Variants in KANK1 observed in about 807,000 individuals in gnomAD.
KANK1 encodes KN motif and ankyrin repeat domain-containing protein 1.
A neutral mutation model predicts 106.2 loss-of-function variants in KANK1; 109 were observed. The observed-to-expected ratio is 1.03, with a 90% confidence interval of 0.88 to 1.20. The LOEUF is 1.20. Among genes scored for constraint, KANK1 ranks in the 50% most tolerant of loss-of-function variants. KANK1 has a pLI of 0.00. For missense variants in KANK1, 2,399 were observed against 1,710.7 expected, an observed-to-expected ratio of 1.40 and a Z score of -7.10; for synonymous variants, 873 against 652.2, an observed-to-expected ratio of 1.34 and a Z score of -5.16.
At position 740,940 on chromosome 9, in the gene KANK1, T is replaced by C. The variant is rs754887996; in HGVS notation, c.3696+6T>C. 6.2e-7 allele frequency: 1 copy of C among 1,614,050 alleles called. No individual in the cohort carries two copies. Among genetic ancestry groups the C allele is most frequent in the Non-Finnish European group, 8.5e-7 (1 of 1,179,966 alleles). ...TGAATGCCAAAGCTAGTCAGGTTAG[T>C]GCGCCTGGTTCCTGTGCTCAGGAAT... On this transcript the variant is annotated splice_donor_region_variant and intron_variant, in intron 9 of 11. Transcript: ENST00000382297.
chr9:651,959 G>T (rs1840973275), intron 1 of KANK1, among the ~76,000 whole-genome samples: 2 of 152,152 alleles, frequency 1.3e-5, no homozygotes, highest in Non-Finnish European at 1.5e-5. Flanking sequence ...TTGTTTTGAG[G>T]ATGTGTTTAC....
chr9:480,851 G>A (rs1296832808), intron 3 of KANK1, among the ~76,000 whole-genome samples: 3 of 152,168 alleles, frequency 2.0e-5, no homozygotes, highest in African/African-American at 7.2e-5. Flanking sequence ...AAAATGGTAA[G>A]GCATTAGAAA....
intron 1 of KANK1, among the ~76,000 whole-genome samples, chr9:600,861 A>T (rs1363820815): frequency 6.6e-6 from 1 of 151,874 alleles, no homozygotes; most frequent in Admixed American, 6.6e-5. Context: ...TTCTAAAGTT[A>T]AAGCTTTTTG....
chr9:562,042 C>CTTT (rs34419752), intron 1 of KANK1, among the ~76,000 whole-genome samples: 3,036 of 104,850 alleles, frequency 0.029, 153 homozygotes, highest in Admixed American at 0.052. Context: ...ATTGCATTTT[C>CTTT]TTTTTTTTTT....
chr9:472,842 G>C (rs573846691), intron 2 of KANK1, among the ~76,000 whole-genome samples: 2 of 152,330 alleles, frequency 1.3e-5, no homozygotes, highest in South Asian at 4.1e-4. Context: ...TGATACATGA[G>C]TGATGCTATC....
At chr9:648,162 C>G (rs978371351) in intron 1 of KANK1, among the ~76,000 whole-genome samples, 1 of 147,228 alleles carries the variant, frequency 6.8e-6, no homozygotes, top group Non-Finnish European at 1.5e-5. Context: ...CACCACCACG[C>G]CTGGGTAATT....
intron 1 of KANK1, among the ~76,000 whole-genome samples, chr9:518,068 G>A (rs766460802): frequency 2.0e-5 from 3 of 151,562 alleles, no homozygotes; most frequent in Non-Finnish European, 4.4e-5. Context: ...ATCCCCAAAT[G>A]ATCTGATAAA....
chr9:513,743 C>G (rs2059133691), intron 1 of KANK1, among the ~76,000 whole-genome samples: 1 of 152,118 alleles, frequency 6.6e-6, no homozygotes, highest in African/African-American at 2.4e-5. Context: ...AAAAATAGAA[C>G]AAAAGCAATT....
rs1488158188 is a variant in KANK1, at chr9:511,723, G to A, written c.-84+6969G>A. 3.3e-5 allele frequency among the ~76,000 whole-genome samples: 5 copies of A among 152,210 alleles called. 1 individual carries two copies. The highest frequency in any genetic ancestry group is 1.2e-4 in the African/African-American group (5 of 41,526). ...GTGTAAATAATATAAACAACAAAGGGTTTAAAATAAAAACAAAACTCATCA... is the reference window on the plus strand; with the variant it reads ...GTGTAAATAATATAAACAACAAAGGATTTAAAATAAAAACAAAACTCATCA... On this transcript the variant is annotated intron_variant, in intron 1 of 11. Coordinates refer to ENST00000382297, the MANE Select transcript of KANK1 (RefSeq NM_015158.5).
intron 1 of KANK1, among the ~76,000 whole-genome samples, chr9:662,793 C>G (rs1217956231): frequency 2.0e-5 from 3 of 151,932 alleles, no homozygotes; most frequent in African/African-American, 7.3e-5. Flanking sequence ...TCCCGAGTAG[C>G]TGGGATTACA....
chr9:589,524 G>C (rs1005033781), intron 1 of KANK1, among the ~76,000 whole-genome samples: 2 of 151,998 alleles, frequency 1.3e-5, no homozygotes, highest in African/African-American at 4.8e-5. Flanking sequence ...GGAGAGAGGT[G>C]GGGAAGGAGT....
chr9:473,583 T>C (rs192471381), intron 3 of KANK1, among the ~76,000 whole-genome samples: 1 of 152,376 alleles, frequency 6.6e-6, no homozygotes, highest in Admixed American at 6.5e-5. Flanking sequence ...AAATTTGCTA[T>C]GGTTAGCTAT....
At position 710,930 on chromosome 9, in the gene KANK1, G is replaced by A. The variant is rs1282455440; in HGVS notation, c.164G>A (p.Gly55Glu). The A allele has an allele frequency of 7.4e-6, 12 of 1,613,990 alleles. No individual in the cohort carries two copies. The highest frequency in any genetic ancestry group is 9.3e-6 in the Non-Finnish European group (11 of 1,180,042). The change falls in exon 3 of 12, where the codon GGA becomes GAA. Residue 55 changes from glycine to glutamate, a missense_variant. Transcript: ENST00000382297. ...FLKYVDDIQK[G>E]NTIKRLNIQK... ...AAATATGTGGATGACATACAGAAGGGAAATACCATCAAAAGACTGAACATC... is the reference window on the plus strand; with the variant it reads ...AAATATGTGGATGACATACAGAAGGAAAATACCATCAAAAGACTGAACATC...
chr9:687,388 A>C (rs1818821440), intron 2 of KANK1, among the ~76,000 whole-genome samples: 1 of 152,040 alleles, frequency 6.6e-6, no homozygotes, highest in Non-Finnish European at 1.5e-5. Flanking sequence ...TTAATCTCTA[A>C]CTATTATTCC....
chr9:627,377 T>A (rs1834604350), intron 1 of KANK1, among the ~76,000 whole-genome samples: 1 of 141,510 alleles, frequency 7.1e-6, no homozygotes. Flanking sequence ...CCACAGAGCT[T>A]CTGCCCCCTC....
At chr9:704,571 C>G (rs544716762) in intron 2 of KANK1, among the ~76,000 whole-genome samples, 2 of 152,156 alleles carry the variant, frequency 1.3e-5, no homozygotes, top group Admixed American at 6.5e-5. Flanking sequence ...TAAAGAACAT[C>G]AAGCTGTCTT....
At chr9:682,800 TCTC>T (rs1817832014) in intron 2 of KANK1, among the ~76,000 whole-genome samples, 1 of 152,176 alleles carries the variant, frequency 6.6e-6, no homozygotes. Flanking sequence ...CCAGCTTTTG[TCTC>T]TATGCTGATC....
intron 1 of KANK1, among the ~76,000 whole-genome samples, chr9:630,751 A>C (rs990054775): frequency 6.6e-6 from 1 of 150,868 alleles, no homozygotes; most frequent in Non-Finnish European, 1.5e-5. Flanking sequence ...AAAATACAAA[A>C]ATTTAGCCAG....
intron 1 of KANK1, among the ~76,000 whole-genome samples, chr9:631,330 C>A (rs530353839): frequency 6.6e-6 from 1 of 152,126 alleles, no homozygotes; most frequent in Non-Finnish European, 1.5e-5. Flanking sequence ...TTGTGGGGCT[C>A]CCCCTGGGCA....
Sources: allele counts gnomAD v4.1 joint callset (sites outside exome capture counted in the v4.1 genomes callset), GRCh38; gene constraint gnomAD v4.1.1; transcripts MANE v1.5; gene names NCBI Gene and HGNC (gene_info 2026-07-23, HGNC 2026-07-21).